COBLL1: variants seen among roughly 807,000 people sequenced by gnomAD.
The protein encoded by COBLL1 is cordon-bleu WH2 repeat protein like 1, also known as cordon-bleu protein-like 1.
A neutral mutation model predicts 94.8 loss-of-function variants in COBLL1; 50 were observed. The observed-to-expected ratio is 0.53, with a 90% CI of 0.42 to 0.67. COBLL1 has a LOEUF of 0.67. Among genes scored for constraint, COBLL1 ranks in the 30% least tolerant of loss-of-function variants. The pLI is 0.00. For synonymous variants in COBLL1, 448 were observed against 473.8 expected (o/e 0.95, Z 0.71); for missense variants, 1,362 against 1,348.7 (o/e 1.01, Z -0.15).
In COBLL1 at chr2:164,694,553, A is replaced by T. The variant is rs1206081179; in HGVS notation, c.2839T>A (p.Ser947Thr). 1 of 1,613,976 alleles carries T rather than the reference A, an allele frequency of 6.2e-7. No individual in the cohort carries two copies. Among genetic ancestry groups the T allele is most frequent in the Non-Finnish European group, 8.5e-7 (1 of 1,179,954 alleles). The change falls in exon 12 of 14, where the codon TCC becomes ACC. Residue 947 changes from serine to threonine, a missense_variant. By Grantham distance (58) the Ser-to-Thr change is moderately conservative. Transcript: ENST00000652658. ...GGTTTTGGAGCTATGGGAGGAGGGGAGGCTTCAGCAGGAGCCTGACCGATG... is the reference window on the plus strand; with the variant it reads ...GGTTTTGGAGCTATGGGAGGAGGGGTGGCTTCAGCAGGAGCCTGACCGATG... ...DVIGQAPAEA[S>T]PPPIAPKPVT...
At chr2:164,701,404 G>A (rs1251299966) in intron 9 of COBLL1, among the ~76,000 whole-genome samples, 1 of 152,168 alleles carries the variant, frequency 6.6e-6, no homozygotes, top group East Asian at 1.9e-4. Flanking sequence ...ATTGGACAAT[G>A]AAAATTAAGT....
chr2:164,768,780 G>A (rs532024835), intron 2 of COBLL1, among the ~76,000 whole-genome samples: 10 of 151,976 alleles, frequency 6.6e-5, no homozygotes, highest in East Asian at 1.9e-4. Context: ...ATTGACAAAC[G>A]ACATTTCTAA....
chr2:164,685,299 A>G lies in COBLL1; in HGVS notation c.*647T>C, dbSNP rs556634731. On this transcript the variant is annotated 3_prime_UTR_variant, in exon 14 of 14. Transcript: ENST00000652658. ...TTGTAGAATTTAAGTTCTAAAGATT[A>G]AAAAAACAAGAGTTCCATGTTAATA... The G allele has an allele frequency of 6.6e-6, 1 of 152,258 alleles. No individual in the cohort carries two copies. The highest frequency in any genetic ancestry group is 1.9e-4 in the East Asian group (1 of 5,184). 9.4% of individuals were successfully genotyped at this position (152,258 alleles called of 1,614,324 possible).
intron 3 of COBLL1, among the ~76,000 whole-genome samples, chr2:164,742,503 T>C (rs969075280): frequency 8.5e-5 from 13 of 152,122 alleles, no homozygotes; most frequent in Admixed American, 5.9e-4. Context: ...CAAGATGTCT[T>C]TCTCACACAT....
intron 7 of COBLL1, among the ~76,000 whole-genome samples, chr2:164,717,140 T>A (rs771311297): frequency 5.3e-5 from 8 of 152,226 alleles, no homozygotes; most frequent in Non-Finnish European, 7.3e-5. Flanking sequence ...CTTTCTGCTT[T>A]ATTAAAATGT....
intron 3 of COBLL1, among the ~76,000 whole-genome samples, chr2:164,742,656 T>G (rs77580324): frequency 0.11 from 16,253 of 151,898 alleles, 911 homozygotes; most frequent in Middle Eastern, 0.16. Flanking sequence ...TTAATCAGAG[T>G]TAAATAATAC....
intron 2 of COBLL1, among the ~76,000 whole-genome samples, chr2:164,825,185 G>A (rs1685364891): frequency 6.6e-6 from 1 of 152,026 alleles, no homozygotes; most frequent in Admixed American, 6.5e-5. Context: ...AGTCCTGTAA[G>A]CCACTGGTCA....
chr2:164,801,245 C>T (rs1181358887), intron 2 of COBLL1, among the ~76,000 whole-genome samples: 8 of 151,500 alleles, frequency 5.3e-5, no homozygotes, highest in Middle Eastern at 3.4e-3. Flanking sequence ...CGAGACCATC[C>T]TGGCTAACAA....
intron 2 of COBLL1, among the ~76,000 whole-genome samples, chr2:164,819,472 A>C (rs946843372): frequency 1.1e-4 from 16 of 152,164 alleles, no homozygotes; most frequent in African/African-American, 3.6e-4. Flanking sequence ...ACTTAAAATA[A>C]TCAGATATTT....
intron 2 of COBLL1, among the ~76,000 whole-genome samples, chr2:164,809,508 G>T (rs185711875): frequency 1.9e-4 from 29 of 152,048 alleles, no homozygotes; most frequent in African/African-American, 5.8e-4. Flanking sequence ...ATGACAAATA[G>T]CTCAAAATTA....
At chr2:164,723,679 A>C (rs1470439301) in intron 5 of COBLL1, 2 of 152,242 alleles carry the variant, frequency 1.3e-5, no homozygotes, top group Admixed American at 6.5e-5. Flanking sequence ...TAAAAAAAAA[A>C]AACTCTTTTT....
intron 5 of COBLL1, chr2:164,725,042 CA>C (rs1410981104): frequency 6.8e-6 from 1 of 147,380 alleles, no homozygotes; most frequent in African/African-American, 2.5e-5. Flanking sequence ...AGGGAAGTAT[CA>C]AAAGTTATCA....
chr2:164,778,068 C>A (rs780821317), intron 2 of COBLL1, among the ~76,000 whole-genome samples: 2 of 152,112 alleles, frequency 1.3e-5, no homozygotes, highest in African/African-American at 4.8e-5. Context: ...ACAACAGCCA[C>A]AAAAAGATAA....
At chr2:164,738,899 C>T (rs79050888) in intron 3 of COBLL1, among the ~76,000 whole-genome samples, 1,602 of 152,232 alleles carry the variant, frequency 0.011, 25 homozygotes, top group African/African-American at 0.036. Context: ...TATACACAGA[C>T]GCACACATTT....
rs1214544096 is a variant in COBLL1, at chr2:164,805,289, C to CTG, written c.41+35866_41+35867insCA. ...CTGATATATTATTCTCTCTGTCTGT[C>CTG]TCTCTCTCTCTCTCTCTCTCTCTCT... On this transcript the variant is annotated intron_variant, in intron 2 of 13. Coordinates refer to ENST00000652658, the MANE Select transcript of COBLL1 (RefSeq NM_001365672.2). 5.4e-3 allele frequency among the ~76,000 whole-genome samples: 114 copies of CTG among 20,950 alleles called. 8 individuals are homozygous for CTG. The highest frequency in any genetic ancestry group is 9.2e-3 in the African/African-American group (40 of 4,360). 13.7% of individuals were successfully genotyped at this position (20,950 alleles called of 152,430 possible). A position where few individuals can be genotyped will look rare whatever the true frequency, so the allele number is the denominator to read the frequency against.
intron 2 of COBLL1, among the ~76,000 whole-genome samples, chr2:164,774,174 C>G (rs1688350013): frequency 6.6e-6 from 1 of 151,988 alleles, no homozygotes; most frequent in Non-Finnish European, 1.5e-5. Flanking sequence ...TTGAAGAAAG[C>G]TGAGTATATA....
intron 2 of COBLL1, among the ~76,000 whole-genome samples, chr2:164,780,644 C>A (rs941175638): frequency 6.6e-6 from 1 of 152,128 alleles, no homozygotes; most frequent in African/African-American, 2.4e-5. Flanking sequence ...ATCACCACAG[C>A]GAATGGACAA....
intron 2 of COBLL1, among the ~76,000 whole-genome samples, chr2:164,814,171 T>C (rs897383563): frequency 3.3e-5 from 5 of 152,172 alleles, no homozygotes; most frequent in African/African-American, 1.2e-4. Flanking sequence ...TTGTAGAAGC[T>C]GCTTCATTTC....
chr2:164,835,113 CA>C (rs886796566), intron 2 of COBLL1, among the ~76,000 whole-genome samples: 1 of 151,912 alleles, frequency 6.6e-6, no homozygotes, highest in African/African-American at 2.4e-5. Context: ...GGCAGTTCCT[CA>C]AAAAAATTAA....
Sources: gnomAD v4.1 joint callset for allele counts (sites outside exome capture counted in the v4.1 genomes callset) on GRCh38, gnomAD v4.1.1 for gene constraint, MANE v1.5 for transcripts, NCBI Gene and HGNC (gene_info 2026-07-23, HGNC 2026-07-21) for gene names.